The following PCDHGB5 variants were observed in gnomAD, a reference collection of about 807,000 sequenced individuals.
PCDHGB5 encodes the protein protocadherin gamma-B5.
Under a neutral mutation model 62.9 loss-of-function variants are expected in PCDHGB5, and 48 were observed. The observed-to-expected ratio is 0.76, with a 90% CI of 0.61 to 0.97. The LOEUF is 0.97. Among genes scored for constraint, PCDHGB5 ranks in the 50% least tolerant of loss-of-function variants. PCDHGB5 has a pLI of 0.00. For synonymous variants in PCDHGB5, 474 were observed against 511.2 expected, an observed-to-expected ratio of 0.93 and a Z score of 0.98; for missense variants, 1,118 against 1,198.6, an observed-to-expected ratio of 0.93 and a Z score of 0.99.
Position 141,432,826 on chromosome 5 carries a change from CACTCTGTACCT to C in PCDHGB5, c.2397+32303_2397+32313del, listed in dbSNP as rs1251102522. 6.2e-7 allele frequency: 1 copy of C among 1,614,096 alleles called. No homozygotes were observed. Among genetic ancestry groups the C allele is most frequent in the Non-Finnish European group, 8.5e-7 (1 of 1,180,020 alleles). On this transcript the variant is annotated intron_variant, in intron 1 of 3. Coordinates refer to ENST00000617380, the MANE Select transcript of PCDHGB5 (RefSeq NM_018925.3). This position sits in a 1 kb window ranked among gnomAD's most constrained non-coding sequence, Gnocchi z 6.0. Reference sequence around the variant, plus strand: ...CAGCTAACTCTGAAACCTCAGACCTCACTCTGTACCTGGTGGTAGCGGTGGCCGCGGTCTCC... The same window carrying C: ...CAGCTAACTCTGAAACCTCAGACCTCGGTGGTAGCGGTGGCCGCGGTCTCC...
chr5:141,463,572 C>A (rs1462125489), intron 1 of PCDHGB5, among the ~76,000 whole-genome samples: 2 of 151,572 alleles, frequency 1.3e-5, no homozygotes, highest in African/African-American at 4.9e-5. Context: ...CCTCAGCCTC[C>A]CGAGTAGCTG....
chr5:141,485,826 G>A lies in PCDHGB5; in HGVS notation c.2398-8981G>A. The A allele has an allele frequency of 6.2e-7, 1 of 1,614,070 alleles. No individual in the cohort carries two copies. Among genetic ancestry groups the A allele is most frequent in the South Asian group, 1.1e-5 (1 of 91,078 alleles). Reference sequence around the variant, plus strand: ...CTGGTGCTGACTGCTGTCGATGGAGGGAACCCGCCGAGATCTGGCACCGCA... The same window carrying A: ...CTGGTGCTGACTGCTGTCGATGGAGAGAACCCGCCGAGATCTGGCACCGCA... On this transcript the variant is annotated intron_variant, in intron 1 of 3. Transcript: ENST00000617380. The surrounding 1 kb of genome is among the most constrained non-coding windows in gnomAD (Gnocchi z 5.7).
chr5:141,400,476 C>T lies in PCDHGB5; in HGVS notation c.2349C>T (p.Ala783=), dbSNP rs2094027348. Residue 783 remains alanine (A), a synonymous_variant, in exon 1 of 4, where the codon GCC becomes GCT. Coordinates refer to ENST00000617380, the MANE Select transcript of PCDHGB5 (RefSeq NM_018925.3). The part of the protein sequence containing the change: ...QDILCGDSSG[A]LFPLCNSSES... ...TACTTTGTGGTGATTCATCTGGGGC[C>T]TTATTTCCACTTTGTAATTCCAGCG... is the stretch of plus-strand genomic sequence containing the variant. 1.2e-6 allele frequency: 2 copies of T among 1,613,846 alleles called. No homozygotes were observed. Among genetic ancestry groups the T allele is most frequent in the African/African-American group, 2.7e-5 (2 of 74,920 alleles).
At chr5:141,506,130 GAGA>G (rs560751517) in intron 3 of PCDHGB5, among the ~76,000 whole-genome samples, 2 of 152,170 alleles carry the variant, frequency 1.3e-5, no homozygotes, top group Admixed American at 1.3e-4. Context: ...CCCAGAGCAG[GAGA>G]AGAAGAATAT....
At chr5:141,418,815 T>A in intron 1 of PCDHGB5, 1 of 1,613,864 alleles carries the variant, frequency 6.2e-7, no homozygotes, top group East Asian at 2.2e-5. Flanking sequence ...ACGATAAACA[T>A]AGAAGCAAAA....
intron 1 of PCDHGB5, chr5:141,410,254 C>T: frequency 3.1e-6 from 5 of 1,614,020 alleles, no homozygotes; most frequent in Non-Finnish European, 3.4e-6. Flanking sequence ...TCTCTGACCC[C>T]CAGGCTGAAC....
chr5:141,432,369 A>G lies in PCDHGB5; in HGVS notation c.2397+31845A>G. 6.2e-7 allele frequency: 1 copy of G among 1,614,222 alleles called. No homozygotes were observed. The highest frequency in any genetic ancestry group is 1.1e-5 in the South Asian group (1 of 91,084). ...CAAGTGAAAGTGATGGCGCGGGACA[A>G]CGGGCACCCGCCCCTCAGCAGCAAC... On this transcript the variant is annotated intron_variant, in intron 1 of 3. Coordinates refer to ENST00000617380, the MANE Select transcript of PCDHGB5 (RefSeq NM_018925.3). The surrounding 1 kb of genome is among the most constrained non-coding windows in gnomAD (Gnocchi z 6.0).
Position 141,399,399 on chromosome 5 carries a change from C to T in PCDHGB5, c.1272C>T (p.Gly424=), listed in dbSNP as rs1282174658. 1.9e-6 allele frequency: 3 copies of T among 1,613,902 alleles called. No individual in the cohort carries two copies. The Admixed American group carries it at 5.0e-5, about 27-fold the overall frequency. The stretch of plus-strand genomic sequence containing the variant: ...TCACCATCACAGCCACAGACAGGGG[C>T]AAGCCGCCCCTCTCCTCCAGCATAA... ...YNVTITATDR[G]KPPLSSSISV... The change falls in exon 1 of 4, where the codon GGC becomes GGT. Residue 424 remains glycine (G), a synonymous_variant. Transcript: ENST00000617380.
intron 1 of PCDHGB5, chr5:141,479,478 G>T (rs760475025): frequency 2.6e-5 from 4 of 152,408 alleles, no homozygotes; most frequent in African/African-American, 9.6e-5. Context: ...TCTTGGGAGG[G>T]CAGGACCATC....
intron 1 of PCDHGB5, among the ~76,000 whole-genome samples, chr5:141,484,419 A>G (rs978469951): frequency 1.3e-5 from 2 of 152,206 alleles, no homozygotes; most frequent in Non-Finnish European, 2.9e-5. Flanking sequence ...TCCTGTTACA[A>G]TGAGAACATG....
At chr5:141,448,331 A>T (rs2098582637) in intron 1 of PCDHGB5, among the ~76,000 whole-genome samples, 1 of 152,146 alleles carries the variant, frequency 6.6e-6, no homozygotes, top group Non-Finnish European at 1.5e-5. Flanking sequence ...GAATCTTTAT[A>T]GCCATGTACC....
At chr5:141,488,519 G>C (rs1210943979) in intron 1 of PCDHGB5, among the ~76,000 whole-genome samples, 1 of 152,184 alleles carries the variant, frequency 6.6e-6, no homozygotes, top group Non-Finnish European at 1.5e-5. Flanking sequence ...GGGGTCTGGG[G>C]TGTCAGAAAA....
Sources: gnomAD v4.1 joint callset for allele counts (sites outside exome capture counted in the v4.1 genomes callset) on GRCh38, gnomAD v4.1.1 for gene constraint, Gnocchi (gnomAD v3.1) non-coding constraint, MANE v1.5 for transcripts, NCBI Gene and HGNC (gene_info 2026-07-23, HGNC 2026-07-21) for gene names.